RUNX1: variants seen among roughly 807,000 people sequenced by gnomAD.
The protein encoded by RUNX1 is RUNX family transcription factor 1.
A neutral mutation model predicts 42.8 loss-of-function variants in RUNX1; 19 were observed. The ratio of observed to expected loss-of-function variants is 0.44; its 90% CI spans 0.31 to 0.65. The LOEUF (loss-of-function observed/expected upper bound fraction) is 0.65, where lower values mean the gene tolerates loss of function less well. Ranked by LOEUF, RUNX1 falls within the 30% of genes least tolerant of loss-of-function variation. The pLI is 0.07. For synonymous variants in RUNX1, 271 were observed against 289.4 expected, an observed-to-expected ratio of 0.94 and a Z score of 0.64; for missense variants, 528 against 672.0, an observed-to-expected ratio of 0.79 and a Z score of 2.37.
At chr21:34,888,904 C>T (rs901692388) in intron 3 of RUNX1, among the ~76,000 whole-genome samples, 3 of 151,566 alleles carry the variant, frequency 2.0e-5, no homozygotes, top group Admixed American at 6.6e-5. Context: ...GGCGGGGAGT[C>T]GGAGGCCACC....
intron 3 of RUNX1, among the ~76,000 whole-genome samples, chr21:34,892,515 T>TA (rs1217748166): frequency 1.3e-5 from 2 of 152,234 alleles, no homozygotes; most frequent in Non-Finnish European, 2.9e-5. Flanking sequence ...GAGGACATTT[T>TA]AAAATTAATC....
chr21:34,846,666 T>C (rs1041380223), intron 6 of RUNX1, among the ~76,000 whole-genome samples: 3 of 152,144 alleles, frequency 2.0e-5, no homozygotes, highest in Admixed American at 2.0e-4. Context: ...GTCAGGCCAC[T>C]CCCTCGCCCA....
intron 5 of RUNX1, among the ~76,000 whole-genome samples, chr21:34,877,905 T>G (rs910849084): frequency 6.6e-6 from 1 of 152,206 alleles, no homozygotes. Context: ...TCCATCAGAC[T>G]GGTGGCTTTT....
At chr21:34,967,425 C>T (rs2058729248) in intron 2 of RUNX1, among the ~76,000 whole-genome samples, 2 of 150,144 alleles carry the variant, frequency 1.3e-5, no homozygotes, top group Non-Finnish European at 1.5e-5. Context: ...ACCAGGCCAC[C>T]GAGACTCAAC....
intron 5 of RUNX1, among the ~76,000 whole-genome samples, chr21:34,867,474 T>C (rs2057678645): frequency 6.6e-6 from 1 of 152,112 alleles, no homozygotes; most frequent in Non-Finnish European, 1.5e-5. Flanking sequence ...AACTTTCAGT[T>C]TGACAGCCAG....
intron 5 of RUNX1, 56 bp from the exon 6 acceptor site, chr21:34,859,634 T>C (rs1265281552): frequency 7.7e-7 from 1 of 1,306,216 alleles, no homozygotes; most frequent in Non-Finnish European, 1.1e-6. Context: ...TGAACATATC[T>C]GTTGAATAAC....
intron 6 of RUNX1, among the ~76,000 whole-genome samples, chr21:34,845,474 G>T (rs1423115468): frequency 6.6e-6 from 1 of 152,194 alleles, no homozygotes. Context: ...GCCTGGCCTG[G>T]TGAGACCAGC....
intron 6 of RUNX1, among the ~76,000 whole-genome samples, chr21:34,838,298 A>C (rs945673238): frequency 6.6e-6 from 1 of 152,210 alleles, no homozygotes; most frequent in Admixed American, 6.5e-5. Flanking sequence ...CGTTTCTTGG[A>C]AAATTTTGGT....
At chr21:34,820,759 G>A (rs1410907771) in intron 7 of RUNX1, among the ~76,000 whole-genome samples, 1 of 152,132 alleles carries the variant, frequency 6.6e-6, no homozygotes, top group African/African-American at 2.4e-5. Flanking sequence ...TCCCTGAGAT[G>A]GTGTATTTCC....
At chr21:34,799,584 C>T (rs376082181) in intron 7 of RUNX1, 122 bp from the exon 8 acceptor site, 12 of 827,270 alleles carry the variant, frequency 1.5e-5, no homozygotes, top group Middle Eastern at 3.4e-4. Context: ...GCCTATGTAC[C>T]AGGGTTTAAT....
At chr21:34,939,942 T>C (rs551358116) in intron 2 of RUNX1, among the ~76,000 whole-genome samples, 20 of 152,236 alleles carry the variant, frequency 1.3e-4, no homozygotes, top group African/African-American at 4.8e-4. Flanking sequence ...CCCCTTCCTA[T>C]TTTCTTTTGT....
Position 34,859,707 on chromosome 21 carries a change from G to A in RUNX1, c.509-129C>T, listed in dbSNP as rs1334331342. 8.5e-6 allele frequency: 7 copies of A among 823,898 alleles called. No individual in the cohort carries two copies. In the Admixed American group the frequency reaches 1.1e-4, roughly 13 times the overall value. 51.0% of individuals were successfully genotyped at this position (823,898 alleles called of 1,614,324 possible). A position where few individuals can be genotyped will look rare whatever the true frequency, so the allele number is the denominator to read the frequency against. On this transcript the variant is annotated intron_variant, in intron 5 of 8. Transcript: ENST00000675419. Reference sequence around the variant, plus strand: ...GTTACCAGTTTTGACAACACTCCCGGAATTTTGGCTTTGCTTCAATTCTGG... The same window carrying A: ...GTTACCAGTTTTGACAACACTCCCGAAATTTTGGCTTTGCTTCAATTCTGG...
rs186370199 is a variant in RUNX1, at chr21:34,887,294, C to A, written c.98-198G>T. 2.1e-6 allele frequency: 3 copies of A among 1,458,674 alleles called. No homozygotes were observed. The South Asian group carries it at 4.1e-5, about 20-fold the overall frequency. 90.4% of individuals were successfully genotyped at this position (1,458,674 alleles called of 1,614,324 possible). A position where few individuals can be genotyped will look rare whatever the true frequency, so the allele number is the denominator to read the frequency against. ...GGAGGGAGACTAAGTTACTAACAGT[C>A]CAGGAGGGGAAAACGTTCTGGTTCT... is the stretch of plus-strand genomic sequence containing the variant. On this transcript the variant is annotated intron_variant, in intron 3 of 8. Coordinates refer to ENST00000675419, the MANE Select transcript of RUNX1 (RefSeq NM_001754.5).
intron 7 of RUNX1, among the ~76,000 whole-genome samples, chr21:34,828,903 T>C (rs375575355): frequency 2.0e-5 from 3 of 152,318 alleles, no homozygotes; most frequent in South Asian, 4.1e-4. Context: ...ACCCAGTCTA[T>C]AATATATAAG....
chr21:34,880,434 G>A, intron 5 of RUNX1, 123 bp downstream of exon 5: 1 of 856,716 alleles, frequency 1.2e-6, no homozygotes, highest in Non-Finnish European at 1.9e-6. Context: ...GCTTGACATA[G>A]CAATAAGAAT....
intron 2 of RUNX1, among the ~76,000 whole-genome samples, chr21:34,945,685 CCTCT>C (rs2058558919): frequency 6.6e-6 from 1 of 152,220 alleles, no homozygotes; most frequent in Non-Finnish European, 1.5e-5. Context: ...CTTTTCTTCA[CCTCT>C]CTGACAGTTC....
At chr21:34,988,630 C>G (rs1301390039) in intron 2 of RUNX1, among the ~76,000 whole-genome samples, 1 of 152,206 alleles carries the variant, frequency 6.6e-6, no homozygotes, top group Non-Finnish European at 1.5e-5. Flanking sequence ...TCCCTGAGAA[C>G]AGTAGCTTGT....
chr21:34,865,041 G>C (rs2057636773), intron 5 of RUNX1, among the ~76,000 whole-genome samples: 1 of 152,016 alleles, frequency 6.6e-6, no homozygotes, highest in Admixed American at 6.6e-5. Flanking sequence ...CCTCAGCTTT[G>C]TCATCTGTAA....
At chr21:34,818,156 T>G (rs1478289068) in intron 7 of RUNX1, among the ~76,000 whole-genome samples, 5 of 152,212 alleles carry the variant, frequency 3.3e-5, no homozygotes, top group African/African-American at 1.2e-4. Context: ...GTTTCAGTGC[T>G]GGGGTGGGGT....
Sources: allele counts gnomAD v4.1 joint callset (sites outside exome capture counted in the v4.1 genomes callset), GRCh38; gene constraint gnomAD v4.1.1; transcripts MANE v1.5; gene names NCBI Gene and HGNC (gene_info 2026-07-23, HGNC 2026-07-21).